CCDC40: variants seen among roughly 807,000 people sequenced by gnomAD.
CCDC40 encodes coiled-coil domain 40 molecular ruler complex subunit.
In CCDC40, 104 loss-of-function variants were observed where a neutral mutation model predicts 124.5. The observed-to-expected ratio is 0.84, with a 90% CI of 0.71 to 0.98. The LOEUF is 0.98. Among genes scored for constraint, CCDC40 ranks in the 50% least tolerant of loss-of-function variants. The probability of loss-of-function intolerance (pLI) is 0.00; values close to 1 mark genes in which losing one functional copy is unlikely to be tolerated. For missense variants in CCDC40, 1,463 were observed against 1,503.9 expected, an observed-to-expected ratio of 0.97 and a Z score of 0.45; for synonymous variants, 580 against 602.9, an observed-to-expected ratio of 0.96 and a Z score of 0.56.
intron 19 of CCDC40, chr17:80,098,978 C>CAAAA (rs149775682): frequency 3.5e-4 from 43 of 122,230 alleles, no homozygotes; most frequent in South Asian, 7.4e-4. Context: ...GAGACAGCCT[C>CAAAA]AAAAAAAAAA....
intron 18 of CCDC40, 109 bp from the exon 19 acceptor site, chr17:80,097,136 C>G: frequency 8.2e-7 from 1 of 1,222,744 alleles, no homozygotes; most frequent in Non-Finnish European, 1.2e-6. Context: ...GGGAGCCTCC[C>G]TGGATGGAGT....
intron 5 of CCDC40, among the ~76,000 whole-genome samples, chr17:80,049,084 C>T (rs1419332408): frequency 1.3e-5 from 2 of 152,106 alleles, no homozygotes; most frequent in African/African-American, 2.4e-5. Flanking sequence ...ACCCCCCCGC[C>T]TTGGTTGTGA....
At chr17:80,051,407 A>G (rs908010847) in intron 7 of CCDC40, 1 of 298,810 alleles carries the variant, frequency 3.3e-6, no homozygotes, top group South Asian at 1.3e-4. Context: ...AGGCGGGCGG[A>G]TCACGAGGTC....
At chr17:80,055,541 G>A (rs942068109) in intron 7 of CCDC40, among the ~76,000 whole-genome samples, 1 of 152,062 alleles carries the variant, frequency 6.6e-6, no homozygotes, top group African/African-American at 2.4e-5. Flanking sequence ...TTAAATAAAT[G>A]GAGTGCCCAC....
At chr17:80,097,142 G>A (rs2038824495) in intron 18 of CCDC40, 103 bp from the exon 19 acceptor site, 2 of 1,242,138 alleles carry the variant, frequency 1.6e-6, no homozygotes, top group Admixed American at 1.7e-5. Context: ...CTCCCTGGAT[G>A]GAGTGTGTGG....
intron 10 of CCDC40, among the ~76,000 whole-genome samples, chr17:80,076,390 A>G (rs1305819865): frequency 6.6e-6 from 1 of 152,096 alleles, no homozygotes; most frequent in Non-Finnish European, 1.5e-5. Flanking sequence ...CCTGGGCAAC[A>G]TGGTGAGACC....
chr17:80,048,096 C>T (rs951830478), intron 4 of CCDC40, among the ~76,000 whole-genome samples: 1 of 152,114 alleles, frequency 6.6e-6, no homozygotes, highest in Non-Finnish European at 1.5e-5. Context: ...CCTGTCTCTA[C>T]TAAAAATACA....
chr17:80,046,116 G>A (rs1005480811), intron 3 of CCDC40, among the ~76,000 whole-genome samples: 1 of 152,062 alleles, frequency 6.6e-6, no homozygotes, highest in South Asian at 2.1e-4. Flanking sequence ...TGTTATTTAG[G>A]ATGATACATT....
intron 10 of CCDC40, among the ~76,000 whole-genome samples, chr17:80,078,295 C>T (rs550251329): frequency 2.6e-4 from 38 of 144,620 alleles, no homozygotes; most frequent in African/African-American, 9.3e-4. Flanking sequence ...CACGCCACTG[C>T]ACTCCAGCCT....
intron 10 of CCDC40, among the ~76,000 whole-genome samples, chr17:80,076,751 T>C (rs1254829072): frequency 1.3e-5 from 2 of 151,822 alleles, no homozygotes; most frequent in African/African-American, 4.8e-5. Flanking sequence ...AGTTTGTTTT[T>C]TTTTTCTTTT....
intron 9 of CCDC40, among the ~76,000 whole-genome samples, chr17:80,061,450 G>A (rs2037892963): frequency 6.6e-6 from 1 of 152,350 alleles, no homozygotes; most frequent in South Asian, 2.1e-4. Flanking sequence ...AGACAGGCAG[G>A]AGAAGACAAC....
At chr17:80,041,132 A>T (rs2143581382) in intron 3 of CCDC40, among the ~76,000 whole-genome samples, 1 of 152,342 alleles carries the variant, frequency 6.6e-6, no homozygotes, top group Middle Eastern at 3.4e-3. Flanking sequence ...TAAACACTGG[A>T]GAGTGGGTTG....
intron 16 of CCDC40, chr17:80,089,475 G>T (rs1398548383): frequency 7.2e-6 from 3 of 418,964 alleles, no homozygotes; most frequent in Non-Finnish European, 1.3e-5. Flanking sequence ...CAATTATACT[G>T]ACTTTCTCAG....
chr17:80,036,690 C>A lies in CCDC40; in HGVS notation c.28C>A (p.Arg10=), dbSNP rs377599647. 2.7e-6 allele frequency: 4 copies of A among 1,462,746 alleles called. No individual in the cohort carries two copies. Among genetic ancestry groups the A allele is most frequent in the East Asian group, 5.7e-5 (2 of 35,304 alleles). The allele number at this position is 1,462,746 out of a possible 1,614,324, so 90.6% of individuals were successfully genotyped here. Residue 10 remains arginine, a splice_region_variant and synonymous_variant, in exon 1 of 20, where the codon CGG becomes AGG. Transcript: ENST00000397545. MAEPGGAAG[R]SHPEDGSASE... ...GGCGGAACCGGGCGGCGCGGCGGGC[C>A]GGTAAGCCGGGCCGAGGGGCAGCGG...
chr17:80,063,742 C>T (rs1272452830), intron 9 of CCDC40, among the ~76,000 whole-genome samples: 1 of 152,200 alleles, frequency 6.6e-6, no homozygotes, highest in Non-Finnish European at 1.5e-5. Context: ...TCAGGTGATC[C>T]GTCCGCCTTG....
chr17:80,059,031 A>C, intron 9 of CCDC40, 51 bp downstream of exon 9: 1 of 1,612,454 alleles, frequency 6.2e-7, no homozygotes, highest in Non-Finnish European at 8.5e-7. Context: ...GTGAGTGTCC[A>C]CGCACAGGGT....
intron 2 of CCDC40, 81 bp from the exon 3 acceptor site, chr17:80,039,731 A>G (rs946767193): frequency 3.9e-6 from 6 of 1,531,560 alleles, no homozygotes; most frequent in African/African-American, 2.8e-5. Context: ...TCCCATTGAT[A>G]TAATTACACT....
chr17:80,076,343 GCAGGCAGATGACCTGAGCT>G (rs980249614), intron 10 of CCDC40, among the ~76,000 whole-genome samples: 3 of 152,080 alleles, frequency 2.0e-5, no homozygotes, highest in Admixed American at 2.0e-4. Flanking sequence ...GGAGGCCAAG[GCAGGCAGATGACCTGAGCT>G]CAGGAGTTTG....
At chr17:80,065,910 C>A (rs148064920) in intron 10 of CCDC40, among the ~76,000 whole-genome samples, 13 of 152,126 alleles carry the variant, frequency 8.5e-5, no homozygotes, top group African/African-American at 2.9e-4. Context: ...TAAAGGTGTC[C>A]CTTTGATTTG....
Sources: allele counts gnomAD v4.1 joint callset (sites outside exome capture counted in the v4.1 genomes callset), GRCh38; gene constraint gnomAD v4.1.1; transcripts MANE v1.5; gene names NCBI Gene and HGNC (gene_info 2026-07-23, HGNC 2026-07-21).